Variants in INTS6 observed in about 807,000 individuals in gnomAD.
The protein encoded by INTS6 is integrator complex subunit 6.
INTS6 carries 16 observed loss-of-function variants against 104.9 expected under a neutral mutation model. The observed-to-expected ratio is 0.15, with a 90% CI of 0.10 to 0.23. The LOEUF is 0.23. Among genes scored for constraint, INTS6 ranks in the 10% least tolerant of loss-of-function variants. The pLI, the probability that INTS6 is intolerant of heterozygous loss-of-function variation, is 1.00. For synonymous variants in INTS6, 324 were observed against 358.7 expected (o/e 0.90, Z 1.09); for missense variants, 584 against 1,062.8 (o/e 0.55, Z 6.26).
chr13:51,424,560 G>C (rs949889369), intron 4 of INTS6, among the ~76,000 whole-genome samples: 1 of 151,968 alleles, frequency 6.6e-6, no homozygotes, highest in African/African-American at 2.4e-5. Context: ...GGGGTTGAGA[G>C]AACAGGGCCA....
At position 51,383,323 on chromosome 13, in the gene INTS6, A is replaced by G. The variant is rs747668545; in HGVS notation, c.1180+6T>C. ...AGCCAAGGAGAAAGTGACAAGAATGACTTACCTAAGAGGGGAAGAAGGACT... is the reference window on the plus strand; with the variant it reads ...AGCCAAGGAGAAAGTGACAAGAATGGCTTACCTAAGAGGGGAAGAAGGACT... On this transcript the variant is annotated splice_donor_region_variant and intron_variant, in intron 9 of 17. Transcript: ENST00000311234. The G allele has an allele frequency of 8.8e-6, 14 of 1,598,602 alleles. No individual in the cohort carries two copies. Among genetic ancestry groups the G allele is most frequent in the Non-Finnish European group, 1.2e-5 (14 of 1,172,736 alleles).
At chr13:51,374,536 A>G in intron 14 of INTS6, 97 bp from the exon 15 acceptor site, 1 of 1,507,374 alleles carries the variant, frequency 6.6e-7, no homozygotes, top group Admixed American at 1.8e-5. Flanking sequence ...TATTCTGTTC[A>G]TATTTATTAG....
rs1953075613 is a variant in INTS6 at position 51,452,222 on chromosome 13, C to T, written c.112-167G>A. The T allele has an allele frequency of 4.6e-6, 3 of 651,846 alleles. No individual in the cohort carries two copies. The highest frequency in any genetic ancestry group is 1.1e-4 in the South Asian group (2 of 17,744). 40.4% of individuals were successfully genotyped at this position (651,846 alleles called of 1,614,324 possible). ...CACAGATCGCTCCCCACACACCGCC[C>T]GGGGCCGGAGCCCGGGCCCCGGCCG... On this transcript the variant is annotated intron_variant, in intron 1 of 17. Transcript: ENST00000311234. This position sits in a 1 kb window ranked among gnomAD's most constrained non-coding sequence, Gnocchi z 4.2.
At chr13:51,375,151 G>T (rs1955893087) in intron 13 of INTS6, among the ~76,000 whole-genome samples, 1 of 151,972 alleles carries the variant, frequency 6.6e-6, no homozygotes, top group Non-Finnish European at 1.5e-5. Flanking sequence ...GGTAAGGAAT[G>T]AGACCAGCCT....
intron 4 of INTS6, among the ~76,000 whole-genome samples, chr13:51,399,890 T>C (rs1304102559): frequency 1.3e-5 from 2 of 152,318 alleles, no homozygotes; most frequent in East Asian, 1.9e-4. Flanking sequence ...CTTTCTCTTA[T>C]TGATTTGGAG....
chr13:51,385,372 T>A (rs967263498), intron 7 of INTS6: 2 of 152,260 alleles, frequency 1.3e-5, no homozygotes, highest in Admixed American at 1.3e-4. Context: ...ACTGTTTTAC[T>A]CATCTTGTGC....
the INTS6 span, chr13:51,341,241 T>C: frequency 3.7e-6 from 6 of 1,614,020 alleles, no homozygotes; most frequent in South Asian, 6.6e-5. Context: ...AGACGAACTT[T>C]GTCATCTCTC....
chr13:51,358,435 C>T (rs1194153573), downstream of INTS6, among the ~76,000 whole-genome samples: 4 of 152,136 alleles, frequency 2.6e-5, no homozygotes, highest in South Asian at 2.1e-4. Context: ...CAAAGAATAA[C>T]GGTGTCCACC....
chr13:51,344,253 C>A, the INTS6 span: 1 of 1,612,972 alleles, frequency 6.2e-7, no homozygotes, highest in East Asian at 2.2e-5. Flanking sequence ...TTTTCACAGA[C>A]AAAAGGGTGA....
At chr13:51,451,219 C>T in intron 2 of INTS6, 45 bp from the exon 3 acceptor site, 2 of 1,470,412 alleles carry the variant, frequency 1.4e-6, no homozygotes, top group South Asian at 1.5e-5. Flanking sequence ...TTTTTAAAGC[C>T]ATGTACACAG....
rs1285756144 is a variant in INTS6, at chr13:51,387,466, G to C, written c.814C>G (p.Pro272Ala). 3 of 1,613,908 alleles carry C rather than the reference G, an allele frequency of 1.9e-6. No individual in the cohort carries two copies. Among genetic ancestry groups the C allele is most frequent in the East Asian group, 2.2e-5 (1 of 44,832 alleles). The change falls in exon 7 of 18, where the codon CCA becomes GCA. Residue 272 changes from proline to alanine, a missense_variant. Transcript: ENST00000311234. ...ATAGGAACCCCAGTTTTAGGATTTGGTCTGACATATATGAGTTTGTGACAG... is the reference window on the plus strand; with the variant it reads ...ATAGGAACCCCAGTTTTAGGATTTGCTCTGACATATATGAGTTTGTGACAG... ...HSCHKLIYVR[P>A]NPKTGVPIGH...
At chr13:51,414,687 T>G (rs760182678) in intron 4 of INTS6, among the ~76,000 whole-genome samples, 11 of 152,294 alleles carry the variant, frequency 7.2e-5, no homozygotes, top group Middle Eastern at 3.4e-3. Flanking sequence ...GGGTATTTCT[T>G]AAATCCTATT....
chr13:51,398,502 A>G (rs1191594312), intron 4 of INTS6, among the ~76,000 whole-genome samples: 3 of 152,178 alleles, frequency 2.0e-5, no homozygotes, highest in African/African-American at 7.2e-5. Flanking sequence ...TAAAATATTG[A>G]TATCATTTCA....
intron 4 of INTS6, among the ~76,000 whole-genome samples, chr13:51,417,567 G>T (rs1220525904): frequency 6.7e-6 from 1 of 148,892 alleles, no homozygotes; most frequent in African/African-American, 2.5e-5. Flanking sequence ...CCATTCTCCT[G>T]TCTCAGCCTC....
chr13:51,439,758 T>C (rs1952758675), intron 3 of INTS6: 1 of 152,226 alleles, frequency 6.6e-6, no homozygotes, highest in South Asian at 2.1e-4. Flanking sequence ...AAAAACTGGA[T>C]AGCTACTTAT....
chr13:51,391,751 G>A (rs1956249302), intron 5 of INTS6, among the ~76,000 whole-genome samples: 1 of 152,230 alleles, frequency 6.6e-6, no homozygotes, highest in East Asian at 1.9e-4. Flanking sequence ...TAGAGAAGAA[G>A]CAAATGAACA....
intron 5 of INTS6, among the ~76,000 whole-genome samples, chr13:51,392,044 C>G (rs1462498915): frequency 6.6e-6 from 1 of 152,168 alleles, no homozygotes; most frequent in Non-Finnish European, 1.5e-5. Context: ...TTGTCCTCAT[C>G]CTTGGTTCTC....
At chr13:51,368,506 C>T (rs1955736916) in intron 16 of INTS6, among the ~76,000 whole-genome samples, 1 of 152,160 alleles carries the variant, frequency 6.6e-6, no homozygotes, top group Non-Finnish European at 1.5e-5. Flanking sequence ...AGAGAGCTTT[C>T]ATAACTTTAG....
At chr13:51,373,631 C>T (rs1263577493) in intron 15 of INTS6, among the ~76,000 whole-genome samples, 1 of 152,224 alleles carries the variant, frequency 6.6e-6, no homozygotes, top group African/African-American at 2.4e-5. Context: ...ACTATTGCTC[C>T]AGCATAAGCA....
Sources: allele counts gnomAD v4.1 joint callset (sites outside exome capture counted in the v4.1 genomes callset), GRCh38; gene constraint gnomAD v4.1.1; non-coding constraint Gnocchi (gnomAD v3.1); transcripts MANE v1.5; gene names NCBI Gene and HGNC (gene_info 2026-07-23, HGNC 2026-07-21).